ZMIZ1: variants seen among roughly 807,000 people sequenced by gnomAD.
ZMIZ1 encodes the protein zinc finger MIZ domain-containing protein 1.
In ZMIZ1, 17 loss-of-function variants were observed where a neutral mutation model predicts 113.9. The ratio of observed to expected loss-of-function variants is 0.15; its 90% CI spans 0.10 to 0.22. The LOEUF (loss-of-function observed/expected upper bound fraction) is 0.22. ZMIZ1 is among the 10% of genes least tolerant of loss of function. The probability of loss-of-function intolerance (pLI) is 1.00; values close to 1 mark genes in which losing one functional copy is unlikely to be tolerated. For synonymous variants in ZMIZ1, 607 were observed against 603.1 expected, an observed-to-expected ratio of 1.01 and a Z score of -0.09; for missense variants, 1,059 against 1,477.8, an observed-to-expected ratio of 0.72 and a Z score of 4.65.
Position 79,160,225 on chromosome 10 carries a change from G to T in ZMIZ1, c.-130-1828G>T, listed in dbSNP as rs12570325. On this transcript the variant is annotated intron_variant, in intron 3 of 24. Transcript: ENST00000334512. ...CAGTGAAAGGGAAGTATTGGGGTCAGTGAACCCCAAAACTGTTTGTATTTC... is the reference window on the plus strand; with the variant it reads ...CAGTGAAAGGGAAGTATTGGGGTCATTGAACCCCAAAACTGTTTGTATTTC... 6.9e-3 allele frequency among the ~76,000 whole-genome samples: 1,058 copies of T among 152,334 alleles called. 91 individuals carry two copies. In the East Asian group the frequency reaches 0.18, roughly 26 times the overall value.
At chr10:79,244,592 G>T (rs1019851699) in intron 7 of ZMIZ1, among the ~76,000 whole-genome samples, 1 of 152,196 alleles carries the variant, frequency 6.6e-6, no homozygotes, top group Non-Finnish European at 1.5e-5. Context: ...CAGTCCCTTC[G>T]CCCTTGACCA....
chr10:79,305,393 C>A, intron 20 of ZMIZ1, 140 bp from the exon 21 acceptor site: 6 of 1,194,646 alleles, frequency 5.0e-6, no homozygotes, highest in Non-Finnish European at 7.4e-6. Flanking sequence ...TGGTATCACG[C>A]GGTCAGAGTC....
chr10:79,198,218 C>A (rs1847927538), intron 4 of ZMIZ1, among the ~76,000 whole-genome samples: 1 of 152,028 alleles, frequency 6.6e-6, no homozygotes, highest in Non-Finnish European at 1.5e-5. Flanking sequence ...GAGATCACGC[C>A]ACTGCACTCC....
intron 19 of ZMIZ1, 58 bp downstream of exon 19, chr10:79,304,233 T>G (rs1589608019): frequency 1.3e-6 from 2 of 1,578,404 alleles, no homozygotes; most frequent in Non-Finnish European, 1.7e-6. Flanking sequence ...GCTGGGATGG[T>G]GAGGGGTAGG....
intron 7 of ZMIZ1, among the ~76,000 whole-genome samples, chr10:79,221,884 C>T (rs529955504): frequency 2.0e-5 from 3 of 152,264 alleles, no homozygotes; most frequent in Non-Finnish European, 2.9e-5. Flanking sequence ...GCTGCCTTCT[C>T]GCGCCCTTCC....
At position 79,170,824 on chromosome 10, in the gene ZMIZ1, A is replaced by G. The variant is rs760626275; in HGVS notation, c.-50+8691A>G. The stretch of plus-strand genomic sequence containing the variant: ...GCTCTGGGAGCTCCACGTGGCTCAC[A>G]ATCTGGTCTCTGGGCCAACCCATGC... On this transcript the variant is annotated intron_variant, in intron 4 of 24. Coordinates refer to ENST00000334512, the MANE Select transcript of ZMIZ1 (RefSeq NM_020338.4). 1.8e-4 allele frequency among the ~76,000 whole-genome samples: 28 copies of G among 152,064 alleles called. 1 individual carries two copies. The highest frequency in any genetic ancestry group is 3.8e-4 in the Non-Finnish European group (26 of 68,006).
At chr10:79,274,303 G>A (rs1472921299) in intron 7 of ZMIZ1, among the ~76,000 whole-genome samples, 2 of 152,248 alleles carry the variant, frequency 1.3e-5, no homozygotes, top group African/African-American at 2.4e-5. Flanking sequence ...ACAGACCAAA[G>A]GCACGCAGGT....
intron 1 of ZMIZ1, among the ~76,000 whole-genome samples, chr10:79,096,300 G>A (rs991140950): frequency 6.6e-6 from 1 of 152,184 alleles, no homozygotes; most frequent in Non-Finnish European, 1.5e-5. Context: ...CACAAGGTCA[G>A]GAGATCGAGA....
At chr10:79,297,938 G>T (rs977459541) in intron 14 of ZMIZ1, among the ~76,000 whole-genome samples, 14 of 152,134 alleles carry the variant, frequency 9.2e-5, no homozygotes, top group African/African-American at 3.1e-4. Context: ...AGGGGTTCCT[G>T]GGGAACCTGG....
At chr10:79,137,906 A>G (rs1845083099) in intron 2 of ZMIZ1, among the ~76,000 whole-genome samples, 1 of 151,990 alleles carries the variant, frequency 6.6e-6, no homozygotes, top group African/African-American at 2.4e-5. Context: ...CCGGGCTCTG[A>G]CAGGGACATT....
chr10:79,104,334 G>A (rs944145572), intron 1 of ZMIZ1, among the ~76,000 whole-genome samples: 2 of 152,186 alleles, frequency 1.3e-5, no homozygotes, highest in African/African-American at 2.4e-5. Flanking sequence ...TAGAGTCCGC[G>A]TGCATAGAAG....
At chr10:79,103,104 T>G (rs976255094) in intron 1 of ZMIZ1, among the ~76,000 whole-genome samples, 4 of 151,884 alleles carry the variant, frequency 2.6e-5, no homozygotes, top group Non-Finnish European at 5.9e-5. Context: ...ATGAGGGCAG[T>G]CTGGGAGGAC....
intron 7 of ZMIZ1, among the ~76,000 whole-genome samples, chr10:79,255,842 G>A (rs1309439012): frequency 6.6e-6 from 1 of 152,188 alleles, no homozygotes; most frequent in Non-Finnish European, 1.5e-5. Flanking sequence ...ATCATAAACA[G>A]AAGTGATTAC....
intron 10 of ZMIZ1, among the ~76,000 whole-genome samples, chr10:79,291,388 CG>C (rs1564588138): frequency 1.3e-5 from 2 of 152,230 alleles, no homozygotes; most frequent in African/African-American, 4.8e-5. Context: ...TTCTGACAGT[CG>C]TCAGACTCGT....
intron 4 of ZMIZ1, among the ~76,000 whole-genome samples, chr10:79,180,019 C>T (rs1174311432): frequency 2.0e-5 from 3 of 152,250 alleles, no homozygotes; most frequent in African/African-American, 4.8e-5. Flanking sequence ...CGTTCTGTCT[C>T]CTATCCACCT....
intron 7 of ZMIZ1, among the ~76,000 whole-genome samples, chr10:79,238,433 T>A (rs1344123477): frequency 6.6e-6 from 1 of 152,204 alleles, no homozygotes; most frequent in East Asian, 1.9e-4. Flanking sequence ...GGTCTCACTG[T>A]GCATCGTGTC....
At chr10:79,126,614 G>A (rs1267758392) in intron 2 of ZMIZ1, among the ~76,000 whole-genome samples, 1 of 152,352 alleles carries the variant, frequency 6.6e-6, no homozygotes, top group East Asian at 1.9e-4. Flanking sequence ...AAAGAAATGA[G>A]GCTGGAGGTG....
Position 79,293,418 on chromosome 10 carries a change from A to G in ZMIZ1, c.995A>G (p.Asn332Ser), listed in dbSNP as rs1372956050. 6.6e-7 allele frequency: 1 copy of G among 1,522,182 alleles called. No homozygotes were observed. The highest frequency in any genetic ancestry group is 8.8e-7 in the Non-Finnish European group (1 of 1,136,050). The allele number at this position is 1,522,182 out of a possible 1,614,324, so 94.3% of individuals were successfully genotyped here. ...PTQAYNSQFM[N>S]QPGPRGPASM... The stretch of plus-strand genomic sequence containing the variant: ...CAGGCGTATAACAGCCAATTCATGA[A>G]CCAGCCCGGGCCGCGGGGGCCTGCC... Residue 332 changes from asparagine (N) to serine (S), a missense_variant, in exon 12 of 25, where the codon AAC becomes AGC. By Grantham distance (46) the Asn-to-Ser change is conservative (BLOSUM62 1). Transcript: ENST00000334512.
chr10:79,298,480 T>C lies in ZMIZ1; in HGVS notation c.1566T>C (p.Pro522=). The part of the protein sequence containing the change: ...VPGNPTPPMT[P]GSSIPPYLSP... ...GGAACCCCACACCCCCCATGACCCC[T>C]GGGAGCAGCATCCCTCCATACCTGT... is the stretch of plus-strand genomic sequence containing the variant. Residue 522 remains proline, a synonymous_variant, in exon 15 of 25, where the codon CCT becomes CCC. Coordinates refer to ENST00000334512, the MANE Select transcript of ZMIZ1 (RefSeq NM_020338.4). The C allele has an allele frequency of 1.9e-6, 3 of 1,603,724 alleles. No individual in the cohort carries two copies. The highest frequency in any genetic ancestry group is 2.6e-6 in the Non-Finnish European group (3 of 1,175,448).
Sources: allele counts gnomAD v4.1 joint callset (sites outside exome capture counted in the v4.1 genomes callset), GRCh38; gene constraint gnomAD v4.1.1; transcripts MANE v1.5; gene names NCBI Gene and HGNC (gene_info 2026-07-23, HGNC 2026-07-21).